The following SYCP1 variants were observed in gnomAD, a reference collection of about 807,000 sequenced individuals.
The protein encoded by SYCP1 is cancer/testis antigen 8.
In SYCP1, 64 loss-of-function variants were observed where a neutral mutation model predicts 153.1. The ratio of observed to expected loss-of-function variants is 0.42; its 90% CI spans 0.34 to 0.51. The LOEUF (loss-of-function observed/expected upper bound fraction) is 0.51, where lower values mean the gene tolerates loss of function less well. Among genes scored for constraint, SYCP1 ranks in the 20% least tolerant of loss-of-function variants. SYCP1 has a pLI of 0.06. For synonymous variants in SYCP1, 384 were observed against 341.8 expected, an observed-to-expected ratio of 1.12 and a Z score of -1.36; for missense variants, 997 against 1,049.0, an observed-to-expected ratio of 0.95 and a Z score of 0.68.
chr1:114,874,118 G>A (rs1665352024), intron 8 of SYCP1, among the ~76,000 whole-genome samples: 1 of 152,080 alleles, frequency 6.6e-6, no homozygotes, highest in South Asian at 2.1e-4. Flanking sequence ...CCTGACTCTG[G>A]TTCCCACAGA....
At chr1:114,874,418 T>C (rs1665376362) in intron 8 of SYCP1, 88 bp from the exon 9 acceptor site, 1 of 765,694 alleles carries the variant, frequency 1.3e-6, no homozygotes, top group Admixed American at 2.5e-5. Context: ...ATTTTAAATA[T>C]TTTAATGTTT....
At chr1:114,978,727 G>A (rs1055383112) in intron 28 of SYCP1, among the ~76,000 whole-genome samples, 28 of 151,786 alleles carry the variant, frequency 1.8e-4, no homozygotes, top group African/African-American at 6.7e-4. Context: ...TGAGTTAAAA[G>A]AGAATAAAGG....
intron 27 of SYCP1, among the ~76,000 whole-genome samples, chr1:114,963,151 A>G (rs1671885679): frequency 6.6e-6 from 1 of 152,108 alleles, no homozygotes; most frequent in African/African-American, 2.4e-5. Flanking sequence ...ATGTGCCTAG[A>G]TTACGATCTT....
intron 18 of SYCP1, among the ~76,000 whole-genome samples, chr1:114,912,556 G>GT (rs143150970): frequency 0.062 from 9,262 of 150,324 alleles, 317 homozygotes; most frequent in Middle Eastern, 0.14. Flanking sequence ...GTTAAATTCA[G>GT]TTTTTTTTTT....
intron 12 of SYCP1, among the ~76,000 whole-genome samples, chr1:114,885,021 AAATC>A (rs1557770519): frequency 6.6e-6 from 1 of 152,288 alleles, no homozygotes; most frequent in Non-Finnish European, 1.5e-5. Flanking sequence ...AAAAATAAAA[AAATC>A]AAGATAATCA....
At chr1:114,894,304 A>G (rs1340510643) in intron 15 of SYCP1, among the ~76,000 whole-genome samples, 1 of 152,168 alleles carries the variant, frequency 6.6e-6, no homozygotes, top group Non-Finnish European at 1.5e-5. Context: ...TAAAAAATGT[A>G]CAGAGTTTGA....
intron 7 of SYCP1, 35 bp downstream of exon 7, chr1:114,859,845 A>G (rs1557749773): frequency 1.6e-6 from 1 of 613,872 alleles, no homozygotes; most frequent in Admixed American, 5.2e-5. Flanking sequence ...TTCTTTTCAC[A>G]TTTTTTATTC....
chr1:114,911,809 G>A (rs1049877997), intron 18 of SYCP1, among the ~76,000 whole-genome samples: 1 of 151,948 alleles, frequency 6.6e-6, no homozygotes, highest in Admixed American at 6.6e-5. Context: ...TTAGATCAAT[G>A]TGTTACTTTT....
chr1:114,881,011 AT>A (rs1195357032), intron 12 of SYCP1, among the ~76,000 whole-genome samples: 1 of 150,842 alleles, frequency 6.6e-6, no homozygotes, highest in East Asian at 1.9e-4. Flanking sequence ...ATTTTACATG[AT>A]TTCATTATTT....
At chr1:114,855,691 C>G (rs925366261) in intron 2 of SYCP1, 119 bp downstream of exon 2, 25 of 774,672 alleles carry the variant, frequency 3.2e-5, no homozygotes, top group Non-Finnish European at 4.6e-5. Context: ...GTCTCATTTA[C>G]CCAAGAATTT....
intron 23 of SYCP1, among the ~76,000 whole-genome samples, chr1:114,928,792 G>C (rs1669429260): frequency 6.6e-6 from 1 of 152,152 alleles, no homozygotes; most frequent in Non-Finnish European, 1.5e-5. Flanking sequence ...GTAAGTTAGT[G>C]ATACATACTA....
At chr1:114,991,063 T>C (rs1673883473) in intron 30 of SYCP1, among the ~76,000 whole-genome samples, 1 of 151,952 alleles carries the variant, frequency 6.6e-6, no homozygotes, top group African/African-American at 2.4e-5. Context: ...ATAAGTTAAA[T>C]AATGCTTATA....
Position 114,993,860 on chromosome 1 carries a change from C to A in SYCP1, c.2704-838C>A, listed in dbSNP as rs556999418. Among the ~76,000 whole-genome samples, 6 of 151,494 alleles carry A rather than the reference C, an allele frequency of 4.0e-5. No individual in the cohort carries two copies. In the East Asian group the frequency reaches 9.7e-4, roughly 25 times the overall value. On this transcript the variant is annotated intron_variant, in intron 30 of 31. Transcript: ENST00000369522. ...CTTCATCACAACTAAAACCTTCTAC[C>A]CATTAAACAATAACTCTTTATTCCA... is the stretch of plus-strand genomic sequence containing the variant.
intron 21 of SYCP1, 86 bp downstream of exon 21, chr1:114,923,616 T>C (rs1168341809): frequency 7.8e-7 from 1 of 1,276,310 alleles, no homozygotes; most frequent in Non-Finnish European, 1.0e-6. Context: ...TAAAGGGAAG[T>C]ATACTGTTGT....
Position 114,914,017 on chromosome 1 carries a change from A to G in SYCP1, c.1690A>G (p.Asn564Asp). 1.9e-6 allele frequency: 3 copies of G among 1,575,132 alleles called. No homozygotes were observed. The highest frequency in any genetic ancestry group is 2.6e-6 in the Non-Finnish European group (3 of 1,162,718). ...QEERMLKQIE[N>D]LQETETQLRN... ...AGAAAGGATGTTGAAACAAATAGAAAATCTTCAAGAAACAGAAACCCAATT... is the reference window on the plus strand; with the variant it reads ...AGAAAGGATGTTGAAACAAATAGAAGATCTTCAAGAAACAGAAACCCAATT... The change falls in exon 20 of 32, where the codon AAT becomes GAT. Residue 564 changes from asparagine (N) to aspartate (D), a missense_variant. Coordinates refer to ENST00000369522, the MANE Select transcript of SYCP1 (RefSeq NM_003176.4).
In SYCP1 at chr1:114,947,811, CAAAAAAAAAAAAAA is replaced by C. The variant is rs1174716918; in HGVS notation, c.2322+509_2322+522del. Among the ~76,000 whole-genome samples the C allele has an allele frequency of 3.0e-4, 13 of 43,882 alleles. No homozygotes were observed. The South Asian group carries it at 4.6e-3, about 16-fold the overall frequency. 28.8% of individuals were successfully genotyped at this position (43,882 alleles called of 152,430 possible). ...TGGGAGACAGAGCGAGACTCCGTCT[CAAAAAAAAAAAAAA>C]AAAAAAAAAAAAAAAAAGAAAAGGA... On this transcript the variant is annotated intron_variant, in intron 27 of 31. Transcript: ENST00000369522.
At chr1:114,863,959 C>T (rs1364677473) in intron 8 of SYCP1, among the ~76,000 whole-genome samples, 1 of 149,828 alleles carries the variant, frequency 6.7e-6, no homozygotes, top group Non-Finnish European at 1.5e-5. Flanking sequence ...ACATCACACA[C>T]CCGGGCCTGT....
chr1:114,943,921 A>G (rs937454652), intron 23 of SYCP1, among the ~76,000 whole-genome samples: 3 of 151,866 alleles, frequency 2.0e-5, no homozygotes, highest in Non-Finnish European at 4.4e-5. Context: ...ATTTATACAA[A>G]GTATGTGAAA....
intron 15 of SYCP1, among the ~76,000 whole-genome samples, chr1:114,891,354 C>T (rs564020236): frequency 1.3e-5 from 2 of 152,258 alleles, no homozygotes; most frequent in South Asian, 2.1e-4. Context: ...AGGATAGCCA[C>T]CTTTTGCTCA....
Sources: allele counts gnomAD v4.1 joint callset (sites outside exome capture counted in the v4.1 genomes callset), GRCh38; gene constraint gnomAD v4.1.1; transcripts MANE v1.5; gene names NCBI Gene and HGNC (gene_info 2026-07-23, HGNC 2026-07-21).